ADARB2: variants seen among roughly 807,000 people sequenced by gnomAD.
ADARB2 encodes the protein inactive double-stranded RNA-specific editase B2.
ADARB2 carries 25 observed loss-of-function variants against 62.2 expected under a neutral mutation model. The ratio of observed to expected loss-of-function variants is 0.40; its 90% CI spans 0.29 to 0.56. The LOEUF (loss-of-function observed/expected upper bound fraction) is 0.56, where lower values mean the gene tolerates loss of function less well. Ranked by LOEUF, ADARB2 falls within the 20% of genes least tolerant of loss-of-function variation. The pLI is 0.43. For synonymous variants in ADARB2, 572 were observed against 500.8 expected (o/e 1.14, Z -1.90); for missense variants, 1,071 against 1,077.4 (o/e 0.99, Z 0.08).
chr10:1,202,574 G>A lies in ADARB2; in HGVS notation c.1683-2427C>T, dbSNP rs189496048. 6.6e-5 allele frequency among the ~76,000 whole-genome samples: 10 copies of A among 152,334 alleles called. No homozygotes were observed. In the East Asian group the frequency reaches 1.9e-3, roughly 29 times the overall value. On this transcript the variant is annotated intron_variant, in intron 7 of 9. Transcript: ENST00000381312. ...CCAAAGGCTGGGAGGAAATTCAGCA[G>A]TGTGGCCCTCCTCGGGACGTAAGAT...
chr10:1,567,998 C>T (rs1158495822), intron 1 of ADARB2, among the ~76,000 whole-genome samples: 6 of 152,184 alleles, frequency 3.9e-5, no homozygotes. Flanking sequence ...TCCTTGGGAA[C>T]CTGTGTCACA....
chr10:1,645,397 G>A (rs1008022930), intron 1 of ADARB2, among the ~76,000 whole-genome samples: 3 of 152,226 alleles, frequency 2.0e-5, no homozygotes, highest in Non-Finnish European at 4.4e-5. Context: ...AGCCTGCACA[G>A]CTATGGAACT....
chr10:1,563,242 C>T lies in ADARB2; in HGVS notation c.100+173809G>A, dbSNP rs546759377. 6.6e-5 allele frequency among the ~76,000 whole-genome samples: 10 copies of T among 152,242 alleles called. No individual in the cohort carries two copies. The South Asian group carries it at 1.2e-3, about 19-fold the overall frequency. On this transcript the variant is annotated intron_variant, in intron 1 of 9. Coordinates refer to ENST00000381312, the MANE Select transcript of ADARB2 (RefSeq NM_018702.4). ...CCCTGCGACTCCCCAGGTGACCTCC[C>T]GCTCCCTTTAGAGCTGTCCATGGTG...
chr10:1,471,321 G>A (rs17156368), intron 1 of ADARB2, among the ~76,000 whole-genome samples: 10,362 of 152,222 alleles, frequency 0.068, 409 homozygotes, highest in East Asian at 0.18. Flanking sequence ...ACTATGGGAC[G>A]GCAGCTAATT....
intron 4 of ADARB2, among the ~76,000 whole-genome samples, chr10:1,259,971 C>T (rs1345378005): frequency 2.6e-5 from 4 of 152,170 alleles, no homozygotes; most frequent in Non-Finnish European, 5.9e-5. Context: ...TGGGCTTCAT[C>T]CCTGGGATGC....
rs11250707 is a variant in ADARB2 at position 1,655,079 on chromosome 10, G to A, written c.100+81972C>T. ...GGGAGAGATGCAGGGGACACAGGGC[G>A]AGGACTGGGAGGTGAGGTTCCAGCA... On this transcript the variant is annotated intron_variant, in intron 1 of 9. Transcript: ENST00000381312. 3.7e-4 allele frequency among the ~76,000 whole-genome samples: 56 copies of A among 152,310 alleles called. 1 individual carries two copies. The East Asian group carries it at 7.9e-3, about 22-fold the overall frequency.
At chr10:1,381,588 C>T (rs776837593) in intron 1 of ADARB2, among the ~76,000 whole-genome samples, 13 of 152,184 alleles carry the variant, frequency 8.5e-5, no homozygotes, top group Non-Finnish European at 1.3e-4. Context: ...GTGGAAGCAA[C>T]TCAAGTGTCC....
intron 1 of ADARB2, among the ~76,000 whole-genome samples, chr10:1,672,776 C>T (rs892458581): frequency 1.9e-5 from 2 of 105,264 alleles, no homozygotes; most frequent in Non-Finnish European, 2.3e-5. Context: ...TCCCCTTCCT[C>T]CCTCCCTCTA....
intron 1 of ADARB2, among the ~76,000 whole-genome samples, chr10:1,449,054 G>T (rs1324838574): frequency 6.6e-6 from 1 of 152,156 alleles, no homozygotes; most frequent in Non-Finnish European, 1.5e-5. Context: ...TGCACACCGG[G>T]ATTCAAGAAT....
chr10:1,734,834 T>C (rs907000661), intron 1 of ADARB2, among the ~76,000 whole-genome samples: 1 of 152,226 alleles, frequency 6.6e-6, no homozygotes, highest in African/African-American at 2.4e-5. Context: ...ATTCTATTCA[T>C]TTATGGTTGT....
At chr10:1,263,799 T>C (rs1402642147) in intron 4 of ADARB2, among the ~76,000 whole-genome samples, 1 of 152,244 alleles carries the variant, frequency 6.6e-6, no homozygotes, top group Non-Finnish European at 1.5e-5. Flanking sequence ...ATCCGCACCC[T>C]GTGAATTATT....
intron 1 of ADARB2, among the ~76,000 whole-genome samples, chr10:1,539,932 G>C (rs1175633066): frequency 6.6e-6 from 1 of 152,100 alleles, no homozygotes; most frequent in Non-Finnish European, 1.5e-5. Flanking sequence ...CAGAATTTCT[G>C]TTCTTTTAGT....
chr10:1,322,815 C>A (rs117399224), intron 3 of ADARB2, among the ~76,000 whole-genome samples: 2,738 of 152,246 alleles, frequency 0.018, 40 homozygotes, highest in Non-Finnish European at 0.024. Context: ...AAACATTTGG[C>A]ATTAAGTGTA....
At chr10:1,622,240 C>A (rs533811515) in intron 1 of ADARB2, among the ~76,000 whole-genome samples, 1 of 152,214 alleles carries the variant, frequency 6.6e-6, no homozygotes, top group African/African-American at 2.4e-5. Flanking sequence ...TTTTAAAACT[C>A]CTAGAAGAAA....
chr10:1,297,816 C>G (rs938480181), intron 3 of ADARB2, among the ~76,000 whole-genome samples: 2 of 152,226 alleles, frequency 1.3e-5, no homozygotes. Context: ...GCCATGGAGG[C>G]AGGGGCTGGA....
intron 1 of ADARB2, among the ~76,000 whole-genome samples, chr10:1,400,775 C>T (rs975978528): frequency 6.6e-6 from 1 of 152,166 alleles, no homozygotes; most frequent in Non-Finnish European, 1.5e-5. Context: ...TTCTGCGTTC[C>T]ACACGGTTTG....
chr10:1,367,821 C>T (rs993653247), intron 2 of ADARB2, among the ~76,000 whole-genome samples: 5 of 152,260 alleles, frequency 3.3e-5, no homozygotes, highest in African/African-American at 1.2e-4. Context: ...GAACTCACAG[C>T]AACGCTTTGC....
chr10:1,679,012 G>A (rs1213785528), intron 1 of ADARB2, among the ~76,000 whole-genome samples: 1 of 152,190 alleles, frequency 6.6e-6, no homozygotes, highest in Non-Finnish European at 1.5e-5. Flanking sequence ...GAGTTCTCCT[G>A]TCCTTTCCCA....
At chr10:1,629,463 C>G (rs982301018) in intron 1 of ADARB2, among the ~76,000 whole-genome samples, 3 of 151,964 alleles carry the variant, frequency 2.0e-5, no homozygotes, top group Non-Finnish European at 4.4e-5. Flanking sequence ...TCAAGCACCC[C>G]GCCAGCGCCC....
Sources: allele counts gnomAD v4.1 joint callset (sites outside exome capture counted in the v4.1 genomes callset), GRCh38; gene constraint gnomAD v4.1.1; transcripts MANE v1.5; gene names NCBI Gene and HGNC (gene_info 2026-07-23, HGNC 2026-07-21).